RMST: variants seen among roughly 807,000 people sequenced by gnomAD.
The protein encoded by RMST is long intergenic non-protein coding RNA 54.
At chr12:97,519,428 A>T (rs115753667) in intron 10 of RMST, among the ~76,000 whole-genome samples, 1 of 152,214 alleles carries the variant, frequency 6.6e-6, no homozygotes, top group Non-Finnish European at 1.5e-5. Context: ...ACTACAACAA[A>T]AGCTAATGCT....
intron 10 of RMST, among the ~76,000 whole-genome samples, chr12:97,524,853 T>A (rs559112312): frequency 6.6e-6 from 1 of 152,248 alleles, no homozygotes; most frequent in East Asian, 1.9e-4. Context: ...ATATTTGTAA[T>A]GAGCAATGTG....
intron 11 of RMST, among the ~76,000 whole-genome samples, chr12:97,538,651 A>G (rs1267612841): frequency 6.6e-6 from 1 of 151,480 alleles, no homozygotes; most frequent in Non-Finnish European, 1.5e-5. Context: ...TTAAGATGCC[A>G]CGAGCTAAAT....
At chr12:97,484,647 G>C (rs1372359062) in intron 5 of RMST, among the ~76,000 whole-genome samples, 1 of 152,144 alleles carries the variant, frequency 6.6e-6, no homozygotes, top group Admixed American at 6.5e-5. Context: ...TGAGAAATAA[G>C]CTGAGAGAGC....
intron 5 of RMST, among the ~76,000 whole-genome samples, chr12:97,470,382 G>A (rs112260984): frequency 0.016 from 2,387 of 152,032 alleles, 57 homozygotes; most frequent in African/African-American, 0.053. Context: ...TGCCTAGCAC[G>A]GTGCCTGGCA....
chr12:97,471,122 G>T (rs1168067878), intron 5 of RMST, among the ~76,000 whole-genome samples: 2 of 151,998 alleles, frequency 1.3e-5, no homozygotes, highest in Admixed American at 6.6e-5. Flanking sequence ...AATCCAGGTG[G>T]ATATTTAAAA....
intron 10 of RMST, among the ~76,000 whole-genome samples, chr12:97,526,476 A>G (rs184089539): frequency 4.1e-4 from 62 of 152,264 alleles, no homozygotes; most frequent in African/African-American, 1.2e-3. Context: ...TAGTGCTGCA[A>G]CTATGATCCT....
At chr12:97,528,908 T>C (rs1881376624) in intron 10 of RMST, among the ~76,000 whole-genome samples, 1 of 152,132 alleles carries the variant, frequency 6.6e-6, no homozygotes, top group Non-Finnish European at 1.5e-5. Flanking sequence ...CTGAAAGTCA[T>C]ATCACAGATT....
chr12:97,520,063 G>A (rs1474779464), intron 10 of RMST, among the ~76,000 whole-genome samples: 2 of 152,210 alleles, frequency 1.3e-5, no homozygotes, highest in Non-Finnish European at 2.9e-5. Context: ...GCTTGGTAAA[G>A]TCACCTTGGA....
chr12:97,466,151 T>C (rs749635331), intron 5 of RMST, among the ~76,000 whole-genome samples: 2 of 152,190 alleles, frequency 1.3e-5, no homozygotes, highest in Non-Finnish European at 2.9e-5. Context: ...CCAATAAGCA[T>C]GCCTATATTA....
chr12:97,525,122 A>G (rs1880954239), intron 10 of RMST, among the ~76,000 whole-genome samples: 1 of 152,240 alleles, frequency 6.6e-6, no homozygotes, highest in Non-Finnish European at 1.5e-5. Flanking sequence ...TTAGAATTGT[A>G]GAGAACATAG....
chr12:97,514,407 G>A (rs1879720964), intron 10 of RMST, among the ~76,000 whole-genome samples: 1 of 152,156 alleles, frequency 6.6e-6, no homozygotes, highest in Non-Finnish European at 1.5e-5. Flanking sequence ...CTGAGCATAT[G>A]GATTTCACTT....
At chr12:97,482,377 C>T (rs982081943) in intron 5 of RMST, among the ~76,000 whole-genome samples, 1 of 152,076 alleles carries the variant, frequency 6.6e-6, no homozygotes, top group Non-Finnish European at 1.5e-5. Context: ...CACAAACAGG[C>T]AGCAGCCTGG....
At chr12:97,511,480 C>G (rs541691903) in intron 10 of RMST, among the ~76,000 whole-genome samples, 88 of 152,136 alleles carry the variant, frequency 5.8e-4, no homozygotes, top group Non-Finnish European at 1.1e-3. Context: ...GAGAGTTTCT[C>G]TTTAGAAATT....
intron 13 of RMST, among the ~76,000 whole-genome samples, chr12:97,563,041 T>A (rs1486247699): frequency 6.6e-6 from 1 of 152,234 alleles, no homozygotes; most frequent in Non-Finnish European, 1.5e-5. Context: ...TATTGAGTTT[T>A]CAGTGGTACA....
At chr12:97,506,513 G>A (rs937479686) in intron 10 of RMST, among the ~76,000 whole-genome samples, 4 of 152,048 alleles carry the variant, frequency 2.6e-5, no homozygotes, top group Admixed American at 6.6e-5. Context: ...TTAGGACATC[G>A]TCAAGTTGGG....
intron 10 of RMST, among the ~76,000 whole-genome samples, chr12:97,504,403 CAAAAAAAAAAA>C (rs5800313): frequency 5.3e-5 from 3 of 56,598 alleles, no homozygotes; most frequent in Admixed American, 1.5e-4. Flanking sequence ...GACTTCATTT[CAAAAAAAAAAA>C]AAAAAAAAAA....
intron 5 of RMST, among the ~76,000 whole-genome samples, chr12:97,489,084 G>T (rs1222332071): frequency 2.0e-5 from 3 of 152,132 alleles, no homozygotes; most frequent in African/African-American, 4.8e-5. Flanking sequence ...TTAGAAATAT[G>T]AATTATGATA....
intron 5 of RMST, among the ~76,000 whole-genome samples, chr12:97,488,285 G>T (rs1876353721): frequency 6.6e-6 from 1 of 152,206 alleles, no homozygotes; most frequent in Admixed American, 6.5e-5. Context: ...GGCTGAGGCA[G>T]AAGAATTGCT....
intron 5 of RMST, among the ~76,000 whole-genome samples, chr12:97,472,192 T>A (rs907664025): frequency 5.3e-5 from 8 of 152,108 alleles, no homozygotes; most frequent in African/African-American, 1.9e-4. Flanking sequence ...ACAGAAATAG[T>A]TTTGTGTTAG....
Sources: allele counts gnomAD v4.1 joint callset (sites outside exome capture counted in the v4.1 genomes callset), GRCh38; gene constraint gnomAD v4.1.1; transcripts MANE v1.5; gene names NCBI Gene and HGNC (gene_info 2026-07-23, HGNC 2026-07-21).